Variants in CHRM3 observed in about 807,000 individuals in gnomAD.
CHRM3 encodes the protein muscarinic acetylcholine receptor M3.
CHRM3 carries 11 observed loss-of-function variants against 41.8 expected under a neutral mutation model. That is an observed-to-expected ratio of 0.26 (90% confidence interval 0.17 to 0.44). The LOEUF (loss-of-function observed/expected upper bound fraction) is 0.44. Ranked by LOEUF, CHRM3 falls within the 20% of genes least tolerant of loss-of-function variation. The pLI, the probability that CHRM3 is intolerant of heterozygous loss-of-function variation, is 1.00. For missense variants in CHRM3, 571 were observed against 745.4 expected (o/e 0.77, Z 2.72); for synonymous variants, 297 against 301.4 (o/e 0.99, Z 0.15).
chr1:239,888,393 A>G (rs1286103260), intron 6 of CHRM3, among the ~76,000 whole-genome samples: 4 of 151,648 alleles, frequency 2.6e-5, no homozygotes, highest in Non-Finnish European at 5.9e-5. Context: ...AAAAGAAAAA[A>G]GAAGAAGGGC....
At chr1:239,578,984 T>G (rs943860932) in intron 3 of CHRM3, among the ~76,000 whole-genome samples, 1 of 152,226 alleles carries the variant, frequency 6.6e-6, no homozygotes, top group Non-Finnish European at 1.5e-5. Flanking sequence ...CTATTAACTT[T>G]ACAATGTAAG....
chr1:239,894,279 C>G, intron 6 of CHRM3, among the ~76,000 whole-genome samples: 1 of 152,104 alleles, frequency 6.6e-6, no homozygotes, highest in African/African-American at 2.4e-5. Flanking sequence ...CGTATATATT[C>G]AACAAGGGAT....
At chr1:239,777,578 C>T (rs1457770015) in intron 5 of CHRM3, among the ~76,000 whole-genome samples, 1 of 152,074 alleles carries the variant, frequency 6.6e-6, no homozygotes, top group East Asian at 1.9e-4. Context: ...GAGCCAGGAA[C>T]AAAGTTTCTA....
intron 5 of CHRM3, among the ~76,000 whole-genome samples, chr1:239,690,786 T>C (rs905659597): frequency 6.6e-6 from 1 of 151,968 alleles, no homozygotes; most frequent in African/African-American, 2.4e-5. Flanking sequence ...AAATTCAGGA[T>C]GTTTGTGTGA....
chr1:239,427,810 G>T (rs973703933), intron 1 of CHRM3, among the ~76,000 whole-genome samples: 8 of 152,040 alleles, frequency 5.3e-5, no homozygotes, highest in African/African-American at 1.9e-4. Context: ...TTAGATGAGG[G>T]AGTGGTTTTG....
chr1:239,757,625 G>A (rs532866734), intron 5 of CHRM3, among the ~76,000 whole-genome samples: 10 of 140,758 alleles, frequency 7.1e-5, no homozygotes, highest in East Asian at 4.7e-4. Flanking sequence ...GTGAGACTCC[G>A]TCTCAGAAAA....
At chr1:239,769,845 C>T (rs772664386) in intron 5 of CHRM3, among the ~76,000 whole-genome samples, 44 of 151,726 alleles carry the variant, frequency 2.9e-4, no homozygotes, top group Admixed American at 5.9e-4. Flanking sequence ...TGCACCACTG[C>T]ACTCCAGCCT....
rs556963061 is a variant in CHRM3 at position 239,511,275 on chromosome 1, T to C, written c.-422+18468T>C. 1.1e-4 allele frequency among the ~76,000 whole-genome samples: 16 copies of C among 152,338 alleles called. No homozygotes were observed. The South Asian group carries it at 2.7e-3, about 26-fold the overall frequency. Reference sequence around the variant, plus strand: ...ATAATTTGAAAATTAACATGTAGAGTAAATAAGTCATCTGTAGCTATGCAG... The same window carrying C: ...ATAATTTGAAAATTAACATGTAGAGCAAATAAGTCATCTGTAGCTATGCAG... On this transcript the variant is annotated intron_variant, in intron 2 of 6. Transcript: ENST00000676153.
intron 3 of CHRM3, among the ~76,000 whole-genome samples, chr1:239,566,776 C>T (rs1363325709): frequency 2.6e-5 from 4 of 152,184 alleles, no homozygotes; most frequent in African/African-American, 9.7e-5. Flanking sequence ...CCCTCCAGCA[C>T]TACCACGCGG....
At chr1:239,881,529 A>T (rs1197358481) in intron 6 of CHRM3, among the ~76,000 whole-genome samples, 1 of 152,114 alleles carries the variant, frequency 6.6e-6, no homozygotes, top group Non-Finnish European at 1.5e-5. Context: ...CACTTCTCTC[A>T]ATCAGATTTT....
chr1:239,784,072 G>C (rs1414191243), intron 5 of CHRM3, among the ~76,000 whole-genome samples: 1 of 152,160 alleles, frequency 6.6e-6, no homozygotes, highest in East Asian at 1.9e-4. Flanking sequence ...AGTATTCCAA[G>C]ATTCATCAGT....
chr1:239,532,622 CAAA>C (rs56408389), intron 2 of CHRM3, among the ~76,000 whole-genome samples: 14 of 114,820 alleles, frequency 1.2e-4, no homozygotes, highest in Admixed American at 2.8e-4. Context: ...GACTGCCTCT[CAAA>C]AAAAAAAAAA....
chr1:239,465,775 G>A (rs559531061), intron 1 of CHRM3, among the ~76,000 whole-genome samples: 5 of 152,116 alleles, frequency 3.3e-5, no homozygotes, highest in African/African-American at 1.2e-4. Flanking sequence ...TTTGAACTGC[G>A]TGGGTTCACT....
At chr1:239,616,787 TA>T (rs1667683020) in intron 3 of CHRM3, among the ~76,000 whole-genome samples, 1 of 150,548 alleles carries the variant, frequency 6.6e-6, no homozygotes, top group Non-Finnish European at 1.5e-5. Flanking sequence ...ATGTCATGGC[TA>T]CATTTCAAAA....
At chr1:239,850,876 C>T (rs1674650059) in intron 6 of CHRM3, among the ~76,000 whole-genome samples, 1 of 152,166 alleles carries the variant, frequency 6.6e-6, no homozygotes, top group African/African-American at 2.4e-5. Flanking sequence ...ATCAATTAAA[C>T]CTCTTTCCTT....
At chr1:239,388,361 T>C (rs1278281342) in intron 1 of CHRM3, among the ~76,000 whole-genome samples, 1 of 152,208 alleles carries the variant, frequency 6.6e-6, no homozygotes, top group Non-Finnish European at 1.5e-5. Context: ...TTTTCCTTTC[T>C]CTCTTGCCCT....
At chr1:239,777,962 G>T (rs1020489306) in intron 5 of CHRM3, among the ~76,000 whole-genome samples, 1 of 152,126 alleles carries the variant, frequency 6.6e-6, no homozygotes, top group Non-Finnish European at 1.5e-5. Context: ...GAGGTCCGGG[G>T]AAAGGTTGGG....
chr1:239,838,119 C>T (rs1049944216), intron 6 of CHRM3, among the ~76,000 whole-genome samples: 11 of 152,146 alleles, frequency 7.2e-5, no homozygotes, highest in Admixed American at 2.0e-4. Context: ...TGGGAGATAA[C>T]ATTCTAAGTG....
chr1:239,634,736 A>T (rs138062416), intron 4 of CHRM3, among the ~76,000 whole-genome samples: 109 of 152,264 alleles, frequency 7.2e-4, no homozygotes, highest in African/African-American at 2.5e-3. Flanking sequence ...TTTCTTTCCG[A>T]AGAAAGTTAT....
Sources: gnomAD v4.1 joint callset for allele counts (sites outside exome capture counted in the v4.1 genomes callset) on GRCh38, gnomAD v4.1.1 for gene constraint, MANE v1.5 for transcripts, NCBI Gene and HGNC (gene_info 2026-07-23, HGNC 2026-07-21) for gene names.